ZNF142: variants seen among roughly 807,000 people sequenced by gnomAD.
ZNF142 encodes the protein zinc finger protein 142 (clone pHZ-49).
ZNF142 carries 96 observed loss-of-function variants against 132.1 expected under a neutral mutation model. The ratio of observed to expected loss-of-function variants is 0.73; its 90% CI spans 0.62 to 0.86. The LOEUF (loss-of-function observed/expected upper bound fraction) is 0.86, where lower values mean the gene tolerates loss of function less well. Among genes scored for constraint, ZNF142 ranks in the 40% least tolerant of loss-of-function variants. The pLI, the probability that ZNF142 is intolerant of heterozygous loss-of-function variation, is 0.00. For synonymous variants in ZNF142, 842 were observed against 890.1 expected, an observed-to-expected ratio of 0.95 and a Z score of 0.96; for missense variants, 2,163 against 2,336.2, an observed-to-expected ratio of 0.93 and a Z score of 1.53.
Position 218,636,385 on chromosome 2 carries a change from G to A in ZNF142, c.*1954C>T. On this transcript the variant is annotated 3_prime_UTR_variant, in exon 11 of 11. Transcript: ENST00000411696. Reference sequence around the variant, plus strand: ...AGTACACCCTGCCTTGGACCTGCATGCAACAAGGTGAGCCAGCCCCTTTGG... The same window carrying A: ...AGTACACCCTGCCTTGGACCTGCATACAACAAGGTGAGCCAGCCCCTTTGG... 6.2e-7 allele frequency: 1 copy of A among 1,614,016 alleles called. No homozygotes were observed. Among genetic ancestry groups the A allele is most frequent in the Non-Finnish European group, 8.5e-7 (1 of 1,179,898 alleles).
chr2:218,636,606 T>A lies in ZNF142; in HGVS notation c.*1733A>T. 1 of 1,599,604 alleles carries A rather than the reference T, an allele frequency of 6.3e-7. No individual in the cohort carries two copies. Among genetic ancestry groups the A allele is most frequent in the Non-Finnish European group, 8.6e-7 (1 of 1,168,076 alleles). ...GGGCATTTCACGGGAAGGGTTGGTGTGCTGGCTTTAGACGGGGAGAAACAT... is the reference window on the plus strand; with the variant it reads ...GGGCATTTCACGGGAAGGGTTGGTGAGCTGGCTTTAGACGGGGAGAAACAT... On this transcript the variant is annotated 3_prime_UTR_variant, in exon 11 of 11. Coordinates refer to ENST00000411696, the MANE Select transcript of ZNF142 (RefSeq NM_001379659.1).
chr2:218,653,271 T>G (rs536243095), intron 4 of ZNF142, among the ~76,000 whole-genome samples: 232 of 123,462 alleles, frequency 1.9e-3, no homozygotes, highest in Middle Eastern at 0.016. Context: ...AGAGAGACTC[T>G]GTCTCAAAAA....
At chr2:218,647,422 C>CAGAAAAAAAAAAAAAAA (rs1697834172) in intron 7 of ZNF142, among the ~76,000 whole-genome samples, 1 of 38,650 alleles carries the variant, frequency 2.6e-5, no homozygotes, top group Non-Finnish European at 4.7e-5. Flanking sequence ...GACTCCATCT[C>CAGAAAAAAAAAAAAAAA]AAAAAAAAAA....
Position 218,645,005 on chromosome 2 carries a change from T to C in ZNF142, c.2111A>G (p.Lys704Arg), listed in dbSNP as rs1389022562. 1.2e-6 allele frequency: 2 copies of C among 1,613,872 alleles called. No individual in the cohort carries two copies. Among genetic ancestry groups the C allele is most frequent in the Non-Finnish European group, 1.7e-6 (2 of 1,179,944 alleles). ...CAGAGACTTGCCCTGATGCCGCAGCTTGTGGCTGCTCAGCTGATCAGCCCG... is the reference window on the plus strand; with the variant it reads ...CAGAGACTTGCCCTGATGCCGCAGCCTGTGGCTGCTCAGCTGATCAGCCCG... ...CHRADQLSSH[K>R]LRHQGKSLMC... is the part of the protein sequence containing the mutation. Residue 704 changes from lysine (K) to arginine (R), a missense_variant, in exon 9 of 11, where the codon AAG (lysine) becomes AGG (arginine). By Grantham distance (26) the Lys-to-Arg change is conservative. This residue lies in a region of ZNF142 where 749 missense variants were observed against 830.3 expected (regional missense o/e 0.90). Coordinates refer to ENST00000411696, the MANE Select transcript of ZNF142 (RefSeq NM_001379659.1).
At position 218,656,280 on chromosome 2, in the gene ZNF142, T is replaced by C. The variant is rs746055447; in HGVS notation, c.150A>G (p.Ala50=). The change falls in exon 4 of 11, where the codon GCA becomes GCG. Residue 50 remains alanine (A), a synonymous_variant. Coordinates refer to ENST00000411696, the MANE Select transcript of ZNF142 (RefSeq NM_001379659.1). The part of the protein sequence containing the change: ...VQSPCPSRDP[A]PIPTEPGCLL... ...GGCAGCCTGGCTCAGTAGGTATAGGTGCAGGGTCCCGGGAAGGACAGGGGC... is the reference window on the plus strand; with the variant it reads ...GGCAGCCTGGCTCAGTAGGTATAGGCGCAGGGTCCCGGGAAGGACAGGGGC... 11 of 1,613,096 alleles carry C rather than the reference T, an allele frequency of 6.8e-6. No individual in the cohort carries two copies. The East Asian group carries it at 2.2e-4, about 33-fold the overall frequency.
chr2:218,633,636 C>G lies in ZNF142; in HGVS notation c.*4703G>C. 2 of 1,613,726 alleles carry G rather than the reference C, an allele frequency of 1.2e-6. No individual in the cohort carries two copies. The highest frequency in any genetic ancestry group is 1.6e-4 in the Middle Eastern group (1 of 6,062). ...AAGCCCATCTTGTGTCCAGCCCTCTCTTCCCTGGTTATCTACTTGAAGTCT... is the reference window on the plus strand; with the variant it reads ...AAGCCCATCTTGTGTCCAGCCCTCTGTTCCCTGGTTATCTACTTGAAGTCT... On this transcript the variant is annotated 3_prime_UTR_variant, in exon 11 of 11. Transcript: ENST00000411696.
Position 218,649,552 on chromosome 2 carries a change from T to C in ZNF142, c.1049-93A>G, listed in dbSNP as rs1186050818. 3.3e-6 allele frequency: 4 copies of C among 1,200,896 alleles called. No homozygotes were observed. In the African/African-American group the frequency reaches 4.6e-5, roughly 14 times the overall value. 74.4% of individuals were successfully genotyped at this position (1,200,896 alleles called of 1,614,324 possible). On this transcript the variant is annotated intron_variant, in intron 6 of 10. Coordinates refer to ENST00000411696, the MANE Select transcript of ZNF142 (RefSeq NM_001379659.1). ...CCACAATTTGCTCAGACACAAACGATGTGTGGCCTCTCTGCAGGAAACCAA... is the reference window on the plus strand; with the variant it reads ...CCACAATTTGCTCAGACACAAACGACGTGTGGCCTCTCTGCAGGAAACCAA...
In ZNF142 at chr2:218,642,036, G is replaced by A. The variant is rs762909383; in HGVS notation, c.5080C>T (p.Arg1694Cys). The A allele has an allele frequency of 1.1e-5, 18 of 1,613,364 alleles. No homozygotes were observed. The highest frequency in any genetic ancestry group is 1.5e-5 in the Non-Finnish European group (18 of 1,179,506). ...ATATCCTCTGACATTACCTTGAGACGAGAGGGATCAGCACAGGCATAGGGG... is the reference window on the plus strand; with the variant it reads ...ATATCCTCTGACATTACCTTGAGACAAGAGGGATCAGCACAGGCATAGGGG... ...LCPYACADPS[R>C]LKYHMRIHKE... is the part of the protein sequence containing the mutation. The change falls in exon 9 of 11, where the codon CGT becomes TGT. Residue 1694 changes from arginine (R) to cysteine (C), a missense_variant. Arg to Cys is a radical substitution (Grantham distance 180). Transcript: ENST00000411696. The surrounding 1 kb of genome is among the most constrained non-coding windows in gnomAD (Gnocchi z 4.6).
rs756632527 is a variant in ZNF142, at chr2:218,642,283, T to C, written c.4833A>G (p.Ala1611=). The C allele has an allele frequency of 1.4e-5, 22 of 1,614,108 alleles. No homozygotes were observed. The highest frequency in any genetic ancestry group is 1.6e-5 in the Non-Finnish European group (19 of 1,180,042). The change falls in exon 9 of 11, where the codon GCA becomes GCG. Residue 1611 remains alanine, a synonymous_variant. Coordinates refer to ENST00000411696, the MANE Select transcript of ZNF142 (RefSeq NM_001379659.1). This position sits in a 1 kb window ranked among gnomAD's most constrained non-coding sequence, Gnocchi z 4.6. ...CAGCATCCCCATCCCCATCTGAGGCTGCCACGGCTGCTGAAGTCTCCTCAT... is the reference window on the plus strand; with the variant it reads ...CAGCATCCCCATCCCCATCTGAGGCCGCCACGGCTGCTGAAGTCTCCTCAT... The part of the protein sequence containing the change: ...EQHEETSAAV[A]ASDGDGDAGQ...
chr2:218,644,644 T>G lies in ZNF142; in HGVS notation c.2472A>C (p.Pro824=). 1 of 1,614,048 alleles carries G rather than the reference T, an allele frequency of 6.2e-7. No individual in the cohort carries two copies. The highest frequency in any genetic ancestry group is 8.5e-7 in the Non-Finnish European group (1 of 1,179,998). ...GCTGGTTTGAGGGCTCTGAATCTGG[T>G]GGGGGTGTTGGGCCCTGCATGGCCC... ...PEGAMQGPTP[P]PDSEPSNQLS... Residue 824 remains proline (P), a synonymous_variant, in exon 9 of 11, where the codon CCA becomes CCC. Transcript: ENST00000411696. The surrounding 1 kb of genome is among the most constrained non-coding windows in gnomAD (Gnocchi z 4.6).
Position 218,650,426 on chromosome 2 carries a change from C to G in ZNF142, c.981G>C (p.Glu327Asp). 1 of 1,614,216 alleles carries G rather than the reference C, an allele frequency of 6.2e-7. No homozygotes were observed. Among genetic ancestry groups the G allele is most frequent in the Non-Finnish European group, 8.5e-7 (1 of 1,180,034 alleles). The part of the protein sequence containing the change: ...TAEEENVEKE[E>D]KSDTQKDSQK... ...GGGAGTCCTTCTGGGTGTCACTCTT[C>G]TCTTCTTTCTCTACATTCTCCTCTT... Residue 327 changes from glutamate to aspartate, a missense_variant, in exon 6 of 11, where the codon GAG (glutamate) becomes GAC (aspartate). Glu to Asp is a conservative substitution (Grantham distance 45, BLOSUM62 2). Transcript: ENST00000411696.
chr2:218,644,408 T>C lies in ZNF142; in HGVS notation c.2708A>G (p.Glu903Gly). Reference protein sequence around the residue: ...CTLHLEALGVELESVTEPPLE... With the variant: ...CTLHLEALGVGLESVTEPPLE... ...GGGTGGCTCAGTCACAGACTCCAGCTCTACTCCCAGGGCCTCTAGGTGTAG... is the reference window on the plus strand; with the variant it reads ...GGGTGGCTCAGTCACAGACTCCAGCCCTACTCCCAGGGCCTCTAGGTGTAG... The change falls in exon 9 of 11, where the codon GAG becomes GGG. Residue 903 changes from glutamate to glycine, a missense_variant. This residue lies in a region of ZNF142 where 749 missense variants were observed against 830.3 expected (regional missense o/e 0.90). Coordinates refer to ENST00000411696, the MANE Select transcript of ZNF142 (RefSeq NM_001379659.1). The surrounding 1 kb of genome is among the most constrained non-coding windows in gnomAD (Gnocchi z 4.6). 1 of 1,614,072 alleles carries C rather than the reference T, an allele frequency of 6.2e-7. No homozygotes were observed. Among genetic ancestry groups the C allele is most frequent in the Middle Eastern group, 1.6e-4 (1 of 6,062 alleles).
Position 218,636,190 on chromosome 2 carries a change from A to T in ZNF142, c.*2149T>A. The T allele has an allele frequency of 6.4e-7, 1 of 1,572,372 alleles. No individual in the cohort carries two copies. Among genetic ancestry groups the T allele is most frequent in the Non-Finnish European group, 8.7e-7 (1 of 1,143,758 alleles). ...AATGAGAACACAAGAAAAGCAACCC[A>T]GTCAAGAAAACTGTCATAATGTCTT... On this transcript the variant is annotated 3_prime_UTR_variant, in exon 11 of 11. Transcript: ENST00000411696.
intron 10 of ZNF142, among the ~76,000 whole-genome samples, chr2:218,639,917 G>C (rs1251486762): frequency 6.6e-6 from 1 of 150,968 alleles, no homozygotes; most frequent in Non-Finnish European, 1.5e-5. Context: ...TTAGCCGGGC[G>C]TGGTGGCGGG....
rs372171422 is a variant in ZNF142 at position 218,644,489 on chromosome 2, C to T, written c.2627G>A (p.Gly876Glu). The T allele has an allele frequency of 8.7e-6, 14 of 1,613,882 alleles. No homozygotes were observed. The African/African-American group carries it at 1.9e-4, about 22-fold the overall frequency. Residue 876 changes from glycine to glutamate, a missense_variant, in exon 9 of 11, where the codon GGG (glycine) becomes GAG (glutamate). Coordinates refer to ENST00000411696, the MANE Select transcript of ZNF142 (RefSeq NM_001379659.1). The surrounding 1 kb of genome is among the most constrained non-coding windows in gnomAD (Gnocchi z 4.6). The part of the protein sequence containing the change: ...GRQEGSEAPH[G>E]GDLGGSPSPA... ...GCTGGGACTGCCACCCAGGTCACCCCCATGGGGAGCCTCACTGCCCTCCTG... is the reference window on the plus strand; with the variant it reads ...GCTGGGACTGCCACCCAGGTCACCCTCATGGGGAGCCTCACTGCCCTCCTG...
chr2:218,653,030 T>C (rs1368848729), intron 4 of ZNF142, among the ~76,000 whole-genome samples: 2 of 151,964 alleles, frequency 1.3e-5, no homozygotes, highest in Admixed American at 6.6e-5. Flanking sequence ...CCTGTAATCT[T>C]GGCACTTTGG....
chr2:218,643,397 G>A lies in ZNF142; in HGVS notation c.3719C>T (p.Ser1240Phe), dbSNP rs1398064570. ...SCPFLCSRLS[S>F]ITSHVAEGCR... is the part of the protein sequence containing the mutation. ...GCCTTCAGCCACGTGAGAGGTAATA[G>A]AGGAGAGCCGGGAACAAAGGAATGG... is the stretch of plus-strand genomic sequence containing the variant. The change falls in exon 9 of 11, where the codon TCT becomes TTT. Residue 1240 changes from serine to phenylalanine, a missense_variant. Physicochemically the swap from Ser to Phe is radical, Grantham distance 155. Around this residue, in one of 7 missense-constraint regions of ZNF142, gnomAD observed 809 missense variants for 801.7 expected, o/e 1.01. Coordinates refer to ENST00000411696, the MANE Select transcript of ZNF142 (RefSeq NM_001379659.1). The A allele has an allele frequency of 1.9e-6, 3 of 1,614,094 alleles. No homozygotes were observed. The highest frequency in any genetic ancestry group is 3.3e-5 in the Admixed American group (2 of 60,014).
In ZNF142 at chr2:218,649,052, G is replaced by A; in HGVS notation, c.1456C>T (p.Leu486Phe). Residue 486 changes from leucine to phenylalanine, a missense_variant, in exon 7 of 11, where the codon CTT becomes TTT. Coordinates refer to ENST00000411696, the MANE Select transcript of ZNF142 (RefSeq NM_001379659.1). The stretch of plus-strand genomic sequence containing the variant: ...CTGCAGCCCTCCTGAAAGCAGCGAA[G>A]GGGTAATGGCTCTGCTGCGGCTGCT... ...TAAAAAEPLP[L>F]RCFQEGCSYA... The A allele has an allele frequency of 6.2e-7, 1 of 1,613,696 alleles. No homozygotes were observed. The highest frequency in any genetic ancestry group is 8.5e-7 in the Non-Finnish European group (1 of 1,180,052).
chr2:218,658,470 G>A (rs1342907371), intron 3 of ZNF142, among the ~76,000 whole-genome samples: 1 of 152,146 alleles, frequency 6.6e-6, no homozygotes, highest in Non-Finnish European at 1.5e-5. Flanking sequence ...GAACCCGGGA[G>A]GCGGAGGTTG....
Sources: gnomAD v4.1 joint callset for allele counts (sites outside exome capture counted in the v4.1 genomes callset) on GRCh38, gnomAD v4.1.1 for gene constraint, gnomAD v4.1.1 regional missense constraint, Gnocchi (gnomAD v3.1) non-coding constraint, MANE v1.5 for transcripts, NCBI Gene and HGNC (gene_info 2026-07-23, HGNC 2026-07-21) for gene names.